Variants in SPEF2 observed in about 807,000 individuals in gnomAD.
SPEF2 encodes the protein sperm flagellar and cilia associated 2.
SPEF2 carries 187 observed loss-of-function variants against 224.6 expected under a neutral mutation model. The ratio of observed to expected loss-of-function variants is 0.83; its 90% CI spans 0.74 to 0.94. The LOEUF is 0.94. Ranked by LOEUF, SPEF2 falls within the 40% of genes least tolerant of loss-of-function variation. The probability of loss-of-function intolerance (pLI) is 0.00; values close to 1 mark genes in which losing one functional copy is unlikely to be tolerated. For missense variants in SPEF2, 2,170 were observed against 2,135.6 expected (o/e 1.02, Z -0.32); for synonymous variants, 715 against 707.3 (o/e 1.01, Z -0.17).
chr5:35,704,242 C>A (rs1357991143), intron 16 of SPEF2, among the ~76,000 whole-genome samples: 1 of 151,990 alleles, frequency 6.6e-6, no homozygotes, highest in Non-Finnish European at 1.5e-5. Context: ...TTAATTTTTC[C>A]TATTCTTTTC....
intron 13 of SPEF2, among the ~76,000 whole-genome samples, chr5:35,694,690 T>C (rs566748659): frequency 1.2e-4 from 18 of 152,338 alleles, no homozygotes; most frequent in African/African-American, 3.8e-4. Flanking sequence ...TTCTCACCAG[T>C]GTGTAAGACT....
chr5:35,782,520 T>A (rs1449655854), intron 30 of SPEF2, among the ~76,000 whole-genome samples: 1 of 152,140 alleles, frequency 6.6e-6, no homozygotes. Flanking sequence ...CATGGTAGGA[T>A]TTTTTAGCAG....
At chr5:35,788,627 C>T (rs780493607) in intron 30 of SPEF2, 39 of 702,846 alleles carry the variant, frequency 5.5e-5, no homozygotes, top group Non-Finnish European at 9.6e-5. Context: ...AAATCTTCAA[C>T]TTAGACTGTC....
intron 4 of SPEF2, among the ~76,000 whole-genome samples, chr5:35,645,866 G>A (rs1747298862): frequency 6.6e-6 from 1 of 151,986 alleles, no homozygotes; most frequent in Admixed American, 6.6e-5. Flanking sequence ...TTCATATTTT[G>A]GAAAATGAAG....
intron 36 of SPEF2, chr5:35,807,922 A>G (rs1217558245): frequency 2.1e-6 from 3 of 1,418,096 alleles, no homozygotes; most frequent in East Asian, 2.5e-5. Flanking sequence ...ATACTGTAGC[A>G]CTACATCCCT....
In SPEF2 at chr5:35,751,104, T is replaced by C. The variant is rs1194622891; in HGVS notation, c.3331-2520T>C. Among the ~76,000 whole-genome samples the C allele has an allele frequency of 9.1e-5, 6 of 65,604 alleles. 1 individual carries two copies. The highest frequency in any genetic ancestry group is 2.8e-4 in the African/African-American group (6 of 21,070). 43.0% of individuals were successfully genotyped at this position (65,604 alleles called of 152,430 possible). On this transcript the variant is annotated intron_variant, in intron 23 of 36. Coordinates refer to ENST00000356031, the MANE Select transcript of SPEF2 (RefSeq NM_024867.4). ...ACACACACACACACACACATATATA[T>C]ATATATATATATATGATGGAATGCT...
chr5:35,776,150 C>A, intron 28 of SPEF2, 107 bp from the exon 29 acceptor site: 1 of 1,170,284 alleles, frequency 8.5e-7, no homozygotes, highest in South Asian at 1.7e-5. Context: ...AAACGTGCAC[C>A]TAAAGCTTCA....
chr5:35,618,052 G>C lies in SPEF2; in HGVS notation c.55G>C (p.Val19Leu). 1 of 1,582,886 alleles carries C rather than the reference G, an allele frequency of 6.3e-7. No individual in the cohort carries two copies. Among genetic ancestry groups the C allele is most frequent in the Non-Finnish European group, 8.6e-7 (1 of 1,161,834 alleles). The change falls in exon 1 of 37, where the codon GTG (valine) becomes CTG (leucine). Residue 19 changes from valine to leucine, a missense_variant. By Grantham distance (32) the Val-to-Leu change is conservative. Coordinates refer to ENST00000356031, the MANE Select transcript of SPEF2 (RefSeq NM_024867.4). The part of the protein sequence containing the change: ...LNKELKVSRT[V>L]SPKSFAKAFS... ...CAAGGAGTTGAAGGTGTCCCGGACC[G>C]TGAGTGAGTGACCACGGCCAGGGGC... is the stretch of plus-strand genomic sequence containing the variant.
chr5:35,667,419 A>G (rs1750634086), intron 9 of SPEF2, among the ~76,000 whole-genome samples, 160 bp downstream of exon 9: 1 of 152,144 alleles, frequency 6.6e-6, no homozygotes, highest in Non-Finnish European at 1.5e-5. Flanking sequence ...GACTTGATTT[A>G]CTCACTGACT....
intron 10 of SPEF2, among the ~76,000 whole-genome samples, chr5:35,681,375 A>AAT (rs1752776087): frequency 6.6e-6 from 1 of 152,188 alleles, no homozygotes; most frequent in South Asian, 2.1e-4. Flanking sequence ...TTACTTTAAA[A>AAT]ATATACTTTG....
At chr5:35,713,593 A>G (rs10050982) in intron 20 of SPEF2, among the ~76,000 whole-genome samples, 112,634 of 149,934 alleles carry the variant, frequency 0.75, 42,668 homozygotes, top group Middle Eastern at 0.83. Context: ...AAAATTAGCC[A>G]GGCATGGTGG....
intron 36 of SPEF2, 40 bp downstream of exon 36, chr5:35,807,293 C>T (rs1458450380): frequency 7.5e-6 from 12 of 1,591,388 alleles, no homozygotes; most frequent in African/African-American, 2.7e-5. Flanking sequence ...GGTTGGGCTC[C>T]AGTTCAGGAC....
In SPEF2 at chr5:35,771,789, T is replaced by G. The variant is rs539449643; in HGVS notation, c.3949+33T>G. On this transcript the variant is annotated intron_variant, in intron 27 of 36. Coordinates refer to ENST00000356031, the MANE Select transcript of SPEF2 (RefSeq NM_024867.4). ...TGGTTTTAGCACTCAGAACCCTGGA[T>G]GCCTAAACCTCTCCTTCGTAGAAAA... 9.6e-6 allele frequency: 15 copies of G among 1,564,204 alleles called. No homozygotes were observed. In the South Asian group the frequency reaches 1.7e-4, roughly 18 times the overall value.
chr5:35,668,563 G>A (rs935495503), intron 9 of SPEF2, among the ~76,000 whole-genome samples: 2 of 152,062 alleles, frequency 1.3e-5, no homozygotes, highest in African/African-American at 2.4e-5. Flanking sequence ...GTTCTGTGGT[G>A]ATAGAAGGTT....
chr5:35,641,156 T>C (rs1033075136), intron 2 of SPEF2, among the ~76,000 whole-genome samples: 9 of 152,116 alleles, frequency 5.9e-5, no homozygotes, highest in African/African-American at 2.2e-4. Context: ...GTGTTGTGAC[T>C]TCTGTATTTA....
Position 35,695,724 on chromosome 5 carries a change from C to G in SPEF2, c.1976-11C>G. ...CCAGAAATTTGTTCTTACCACTTTT[C>G]CTATTGCTAGGTGCTAATGCTGATA... On this transcript the variant is annotated splice_polypyrimidine_tract_variant and intron_variant, in intron 13 of 36. Transcript: ENST00000356031. 6.2e-7 allele frequency: 1 copy of G among 1,604,068 alleles called. No homozygotes were observed.
At chr5:35,620,811 G>A (rs906254393) in intron 1 of SPEF2, among the ~76,000 whole-genome samples, 9 of 152,112 alleles carry the variant, frequency 5.9e-5, no homozygotes, top group Non-Finnish European at 1.2e-4. Context: ...TTATATATTT[G>A]TACCAATTAG....
chr5:35,769,456 C>T (rs1179016773), intron 26 of SPEF2, among the ~76,000 whole-genome samples: 2 of 152,114 alleles, frequency 1.3e-5, no homozygotes, highest in Non-Finnish European at 2.9e-5. Flanking sequence ...TCTGCTTGCT[C>T]TCTGAAACCT....
chr5:35,763,703 G>T lies in SPEF2; in HGVS notation c.3801+1G>T, dbSNP rs757948904. The T allele has an allele frequency of 6.2e-6, 10 of 1,604,808 alleles. No individual in the cohort carries two copies. Among genetic ancestry groups the T allele is most frequent in the Non-Finnish European group, 3.4e-6 (4 of 1,177,252 alleles). The stretch of plus-strand genomic sequence containing the variant: ...GGCTTCTTTAGCAGTATCTCACATG[G>T]TAAGCAGTGCTCGTTATATTTTCTG... On this transcript the variant is annotated splice_donor_variant, in intron 26 of 36. Coordinates refer to ENST00000356031, the MANE Select transcript of SPEF2 (RefSeq NM_024867.4). LOFTEE classifies it high-confidence loss of function.
Sources: allele counts gnomAD v4.1 joint callset (sites outside exome capture counted in the v4.1 genomes callset), GRCh38; gene constraint gnomAD v4.1.1; transcripts MANE v1.5; gene names NCBI Gene and HGNC (gene_info 2026-07-23, HGNC 2026-07-21).